The following LARP1 variants were observed in gnomAD, a reference collection of about 807,000 sequenced individuals.
The protein encoded by LARP1 is La ribonucleoprotein 1, translational regulator.
LARP1 carries 36 observed loss-of-function variants against 122.7 expected under a neutral mutation model. The ratio of observed to expected loss-of-function variants is 0.29; its 90% CI spans 0.22 to 0.39. The LOEUF (loss-of-function observed/expected upper bound fraction) is 0.39. Among genes scored for constraint, LARP1 ranks in the 10% least tolerant of loss-of-function variants. LARP1 has a pLI of 1.00. For missense variants in LARP1, 1,040 were observed against 1,403.6 expected (o/e 0.74, Z 4.14); for synonymous variants, 539 against 528.7 (o/e 1.02, Z -0.27).
intron 1 of LARP1, among the ~76,000 whole-genome samples, chr5:154,787,173 C>T (rs1756958051): frequency 6.6e-6 from 1 of 152,222 alleles, no homozygotes; most frequent in South Asian, 2.1e-4. Context: ...GCCACCGTGT[C>T]TGGCTATAAC....
At chr5:154,798,625 C>G (rs1388328383) in intron 8 of LARP1, among the ~76,000 whole-genome samples, 1 of 151,922 alleles carries the variant, frequency 6.6e-6, no homozygotes, top group Non-Finnish European at 1.5e-5. Context: ...ATCTAGGCTC[C>G]CAAGTAGCTG....
chr5:154,798,977 G>T (rs940925611), intron 8 of LARP1, among the ~76,000 whole-genome samples: 2 of 152,206 alleles, frequency 1.3e-5, no homozygotes, highest in African/African-American at 4.8e-5. Context: ...CGATTCTCCT[G>T]CTTAACCTCT....
chr5:154,790,836 C>G, intron 3 of LARP1, 126 bp downstream of exon 3: 1 of 889,240 alleles, frequency 1.1e-6, no homozygotes, highest in Non-Finnish European at 1.8e-6. Flanking sequence ...TTTTTCCCCC[C>G]AACAGAGTTT....
chr5:154,715,232 T>C (rs1755426348), intron 1 of LARP1, among the ~76,000 whole-genome samples: 1 of 151,222 alleles, frequency 6.6e-6, no homozygotes, highest in Non-Finnish European at 1.5e-5. Flanking sequence ...AAGGGTCATG[T>C]TAGCCAGTCC....
At chr5:154,713,662 A>G (rs1755337461) in intron 1 of LARP1, among the ~76,000 whole-genome samples, 1 of 152,192 alleles carries the variant, frequency 6.6e-6, no homozygotes, top group Admixed American at 6.5e-5. Flanking sequence ...TCTAGTTTGC[A>G]TGGGGTTTAT....
At chr5:154,702,274 G>A (rs949811722) in intron 1 of LARP1, among the ~76,000 whole-genome samples, 2 of 152,178 alleles carry the variant, frequency 1.3e-5, no homozygotes, top group Admixed American at 1.3e-4. Flanking sequence ...ATCTTCAAGT[G>A]GCCAGGTGCG....
intron 1 of LARP1, among the ~76,000 whole-genome samples, chr5:154,723,014 A>G (rs887116355): frequency 9.2e-5 from 14 of 152,158 alleles, no homozygotes; most frequent in African/African-American, 2.9e-4. Context: ...TCTGCTTCAG[A>G]CAAAAAAGTA....
chr5:154,781,263 C>T (rs369905536), intron 1 of LARP1, among the ~76,000 whole-genome samples: 12 of 152,210 alleles, frequency 7.9e-5, no homozygotes, highest in Admixed American at 5.9e-4. Context: ...AAGGGAGCCC[C>T]GCAAGCTGAT....
At chr5:154,806,432 T>A (rs934542209) in intron 15 of LARP1, among the ~76,000 whole-genome samples, 1 of 152,228 alleles carries the variant, frequency 6.6e-6, no homozygotes, top group African/African-American at 2.4e-5. Context: ...ATCCAGCCAG[T>A]ATTCTGTTTT....
chr5:154,762,309 T>A (rs920535838), intron 1 of LARP1, among the ~76,000 whole-genome samples: 5 of 152,154 alleles, frequency 3.3e-5, no homozygotes, highest in Non-Finnish European at 7.4e-5. Flanking sequence ...TTTTTTTTAT[T>A]TCAGAAGATT....
chr5:154,689,456 A>C (rs1173060341), intron 1 of LARP1, among the ~76,000 whole-genome samples: 1 of 151,038 alleles, frequency 6.6e-6, no homozygotes, highest in Non-Finnish European at 1.5e-5. Context: ...GTCTCAAAAA[A>C]ATAAAAAATA....
At position 154,756,120 on chromosome 5, in the gene LARP1, G is replaced by A; in HGVS notation, c.363G>A (p.Pro121=). The change falls in exon 1 of 19, where the codon CCG becomes CCA. Residue 121 remains proline (P), a synonymous_variant. Transcript: ENST00000518297. ...GCCGGGACTTCGTGGAAGCCCCCCC[G>A]CCCAAGGTGAACCCGTGGACTAAGA... is the stretch of plus-strand genomic sequence containing the variant. ...AGRRDFVEAP[P]PKVNPWTKNA... is the part of the protein sequence containing the mutation. The A allele has an allele frequency of 8.0e-7, 1 of 1,257,822 alleles. No individual in the cohort carries two copies. 77.9% of individuals were successfully genotyped at this position (1,257,822 alleles called of 1,614,324 possible).
chr5:154,741,101 C>G (rs780106781), intron 1 of LARP1, among the ~76,000 whole-genome samples: 44 of 152,152 alleles, frequency 2.9e-4, no homozygotes, highest in Non-Finnish European at 1.5e-5. Context: ...CAGCAGAACA[C>G]TAAATTACAG....
upstream of LARP1, among the ~76,000 whole-genome samples, chr5:154,751,471 T>C (rs913906375): frequency 2.6e-5 from 4 of 152,222 alleles, no homozygotes; most frequent in Non-Finnish European, 5.9e-5. Flanking sequence ...GTATTTCCCA[T>C]AGAACCTAGC....
intron 1 of LARP1, among the ~76,000 whole-genome samples, chr5:154,775,652 A>G (rs1755815578): frequency 6.6e-6 from 1 of 152,164 alleles, no homozygotes; most frequent in Non-Finnish European, 1.5e-5. Flanking sequence ...GAGTTGCATT[A>G]TCCCCACCTG....
intron 1 of LARP1, among the ~76,000 whole-genome samples, chr5:154,693,485 ACAT>A (rs1486223485): frequency 1.8e-4 from 27 of 152,198 alleles, no homozygotes; most frequent in Admixed American, 3.3e-4. Flanking sequence ...AGAGATGAAT[ACAT>A]AGCTTAAAGT....
rs1708989113 is a variant in LARP1 at position 154,755,606 on chromosome 5, G to A, written c.-152G>A. The stretch of plus-strand genomic sequence containing the variant: ...ACGGCGGCTGCATCTAACTGGGAGG[G>A]GGCCGCACCTCGCGTGAACCCCGAC... On this transcript the variant is annotated 5_prime_UTR_variant, in exon 1 of 19. Transcript: ENST00000518297. The A allele has an allele frequency of 1.4e-5, 14 of 987,546 alleles. No homozygotes were observed. The highest frequency in any genetic ancestry group is 1.7e-5 in the Non-Finnish European group (14 of 830,188). The allele number at this position is 987,546 out of a possible 1,614,324, so 61.2% of individuals were successfully genotyped here.
Position 154,712,969 on chromosome 5 carries a change from ACC to A in LARP1, c.46_47del (p.Pro16ArgfsTer11). On this transcript the variant is annotated frameshift_variant, in exon 1 of 19. Transcript: ENST00000336314. LOFTEE classifies it high-confidence loss of function. ...TTGTCAAAGAGGCCTCCTTTCCCTC[ACC>A]CAGAGCTGGATTTCCAAGAGGCTCC... 2 of 1,614,020 alleles carry A rather than the reference ACC, an allele frequency of 1.2e-6. No homozygotes were observed. Among genetic ancestry groups the A allele is most frequent in the Non-Finnish European group, 1.7e-6 (2 of 1,179,974 alleles).
At chr5:154,796,199 T>C (rs2113801525) in intron 8 of LARP1, among the ~76,000 whole-genome samples, 1 of 135,100 alleles carries the variant, frequency 7.4e-6, no homozygotes, top group Admixed American at 8.9e-5. Context: ...TATATATATA[T>C]ATAGTTTGTG....
Sources: gnomAD v4.1 joint callset for allele counts (sites outside exome capture counted in the v4.1 genomes callset) on GRCh38, gnomAD v4.1.1 for gene constraint, MANE v1.5 for transcripts, NCBI Gene and HGNC (gene_info 2026-07-23, HGNC 2026-07-21) for gene names.